The following DIAPH3 variants were observed in gnomAD, a reference collection of about 807,000 sequenced individuals.
DIAPH3 encodes the protein diaphanous related formin 3.
Under a neutral mutation model 144.3 loss-of-function variants are expected in DIAPH3, and 117 were observed. The ratio of observed to expected loss-of-function variants is 0.81; its 90% CI spans 0.70 to 0.95. The LOEUF (loss-of-function observed/expected upper bound fraction) is 0.95. DIAPH3 is among the 40% of genes least tolerant of loss of function. The pLI is 0.00. For synonymous variants in DIAPH3, 519 were observed against 488.9 expected (o/e 1.06, Z -0.81); for missense variants, 1,421 against 1,412.7 (o/e 1.01, Z -0.09).
intron 25 of DIAPH3, among the ~76,000 whole-genome samples, chr13:59,806,888 A>G (rs1188078809): frequency 6.6e-6 from 1 of 151,864 alleles, no homozygotes; most frequent in Non-Finnish European, 1.5e-5. Context: ...CAATGTATCA[A>G]TTTAAAAGTA....
intron 5 of DIAPH3, among the ~76,000 whole-genome samples, chr13:60,036,197 G>C (rs750990300): frequency 1.3e-5 from 2 of 152,150 alleles, no homozygotes; most frequent in African/African-American, 4.8e-5. Flanking sequence ...CAATCTGTCA[G>C]TGTTTATTTT....
chr13:59,962,030 A>G (rs2140503203), intron 17 of DIAPH3, among the ~76,000 whole-genome samples: 1 of 152,292 alleles, frequency 6.6e-6, no homozygotes, highest in Middle Eastern at 3.4e-3. Context: ...ACTGCCTTAA[A>G]ACATTATTCT....
chr13:59,844,236 G>A (rs2042501528), intron 22 of DIAPH3, among the ~76,000 whole-genome samples: 1 of 151,806 alleles, frequency 6.6e-6, no homozygotes, highest in Admixed American at 6.6e-5. Context: ...GGTTCTTTGA[G>A]GTCAGGAACT....
At chr13:59,769,178 A>G (rs901253547) in intron 27 of DIAPH3, among the ~76,000 whole-genome samples, 2 of 152,162 alleles carry the variant, frequency 1.3e-5, no homozygotes, top group African/African-American at 4.8e-5. Flanking sequence ...GACAGTTCAC[A>G]GAGTGTACAG....
rs151142922 is a variant in DIAPH3 at position 59,901,874 on chromosome 13, G to T, written c.2367+9861C>A. Among the ~76,000 whole-genome samples, 539 of 152,274 alleles carry T rather than the reference G, an allele frequency of 3.5e-3. 2 individuals are homozygous for T. Among genetic ancestry groups the T allele is most frequent in the Middle Eastern group, 0.01 (3 of 294 alleles). On this transcript the variant is annotated intron_variant, in intron 20 of 27. Transcript: ENST00000400324. ...AGTTGCTACCAGGAGGCATTCCCCA[G>T]GCTGAAGTGCAGTGGCACGATCTTG...
At chr13:59,815,612 T>C (rs1440789378) in intron 24 of DIAPH3, among the ~76,000 whole-genome samples, 1 of 152,112 alleles carries the variant, frequency 6.6e-6, no homozygotes, top group Non-Finnish European at 1.5e-5. Context: ...TTGTAACATA[T>C]AAAAATGTAA....
chr13:60,107,376 A>G (rs1225839), intron 3 of DIAPH3, among the ~76,000 whole-genome samples: 81,294 of 151,882 alleles, frequency 0.54, 22,253 homozygotes, highest in Admixed American at 0.6. Flanking sequence ...AGAATTACAC[A>G]AGGGATTTCA....
chr13:59,983,657 G>C, intron 13 of DIAPH3, 112 bp downstream of exon 13: 2 of 712,298 alleles, frequency 2.8e-6, no homozygotes, highest in Non-Finnish European at 4.8e-6. Context: ...AAACAGTTTT[G>C]ACAATTAGGG....
intron 22 of DIAPH3, among the ~76,000 whole-genome samples, chr13:59,841,371 A>T (rs1055213644): frequency 6.6e-5 from 10 of 152,044 alleles, no homozygotes; most frequent in Admixed American, 5.9e-4. Flanking sequence ...AGGAGGATCA[A>T]CTTGAAGCCA....
intron 20 of DIAPH3, among the ~76,000 whole-genome samples, chr13:59,900,946 C>T (rs913272039): frequency 6.6e-6 from 1 of 152,164 alleles, no homozygotes; most frequent in African/African-American, 2.4e-5. Flanking sequence ...CTCCTATGCC[C>T]CAAATCCAAT....
At chr13:59,764,233 C>T (rs901884690) in intron 27 of DIAPH3, among the ~76,000 whole-genome samples, 7 of 151,812 alleles carry the variant, frequency 4.6e-5, no homozygotes, top group African/African-American at 1.7e-4. Context: ...TCTCTGATCT[C>T]CTGGAAGGGT....
At chr13:60,067,281 T>C (rs180726910) in intron 4 of DIAPH3, among the ~76,000 whole-genome samples, 1 of 150,344 alleles carries the variant, frequency 6.7e-6, no homozygotes, top group Admixed American at 6.6e-5. Flanking sequence ...TGAGACCCTA[T>C]ATCAAAAAAA....
chr13:59,810,309 A>G (rs1233334020), intron 25 of DIAPH3, among the ~76,000 whole-genome samples: 1 of 152,176 alleles, frequency 6.6e-6, no homozygotes, highest in Non-Finnish European at 1.5e-5. Context: ...ACAGATTGGA[A>G]TACACATAAA....
At chr13:59,777,318 C>T (rs932165451) in intron 25 of DIAPH3, among the ~76,000 whole-genome samples, 2 of 151,970 alleles carry the variant, frequency 1.3e-5, no homozygotes, top group Admixed American at 1.3e-4. Flanking sequence ...TTATTGCACA[C>T]TGAGGAAAAA....
chr13:59,669,170 G>A (rs1249178172), intron 27 of DIAPH3, among the ~76,000 whole-genome samples: 1 of 152,066 alleles, frequency 6.6e-6, no homozygotes, highest in African/African-American at 2.4e-5. Context: ...CTGAATTCTC[G>A]CAACAGCTTT....
chr13:59,827,811 C>G (rs77456682), intron 24 of DIAPH3, among the ~76,000 whole-genome samples: 2 of 151,974 alleles, frequency 1.3e-5, no homozygotes, highest in Admixed American at 6.6e-5. Context: ...GCCACAGTGA[C>G]CAATGAAAGG....
chr13:60,030,831 C>T lies in DIAPH3; in HGVS notation c.626+11859G>A, dbSNP rs540413195. ...CAATATTTCAAGTGCTCAACAGCCA[C>T]ATGTGGTAAGTAGCTTCTGTAATGA... On this transcript the variant is annotated intron_variant, in intron 5 of 27. Transcript: ENST00000400324. Among the ~76,000 whole-genome samples, 5 of 152,326 alleles carry T rather than the reference C, an allele frequency of 3.3e-5. No individual in the cohort carries two copies. The East Asian group carries it at 9.6e-4, about 29-fold the overall frequency.
chr13:59,752,104 T>G (rs572212437), intron 27 of DIAPH3, among the ~76,000 whole-genome samples: 1 of 152,208 alleles, frequency 6.6e-6, no homozygotes, highest in Non-Finnish European at 1.5e-5. Context: ...CTTGTTAGTA[T>G]AGAACTAAAT....
intron 7 of DIAPH3, among the ~76,000 whole-genome samples, chr13:60,015,354 A>G: frequency 6.6e-6 from 1 of 152,056 alleles, no homozygotes; most frequent in East Asian, 1.9e-4. Context: ...GTTTATTCTC[A>G]ATATTACTTG....
Sources: allele counts gnomAD v4.1 joint callset (sites outside exome capture counted in the v4.1 genomes callset), GRCh38; gene constraint gnomAD v4.1.1; transcripts MANE v1.5; gene names NCBI Gene and HGNC (gene_info 2026-07-23, HGNC 2026-07-21).